The following SLCO1C1 variants were observed in gnomAD, a reference collection of about 807,000 sequenced individuals.
The protein encoded by SLCO1C1 is OAT-RP-5.
In SLCO1C1, 70 loss-of-function variants were observed where a neutral mutation model predicts 76.4. The observed-to-expected ratio is 0.92, with a 90% CI of 0.76 to 1.12. The LOEUF (loss-of-function observed/expected upper bound fraction) is 1.12. Ranked by LOEUF, SLCO1C1 falls within the 50% of genes most tolerant of loss-of-function variation. SLCO1C1 has a pLI of 0.00. For synonymous variants in SLCO1C1, 306 were observed against 286.1 expected (o/e 1.07, Z -0.70); for missense variants, 912 against 823.8 (o/e 1.11, Z -1.31).
At chr12:20,719,024 A>G (rs1947520332) in intron 7 of SLCO1C1, among the ~76,000 whole-genome samples, 1 of 151,700 alleles carries the variant, frequency 6.6e-6, no homozygotes, top group South Asian at 2.1e-4. Flanking sequence ...TATAGGCACT[A>G]TTTTTCCGAT....
intron 13 of SLCO1C1, among the ~76,000 whole-genome samples, chr12:20,747,029 C>T (rs923126075): frequency 1.3e-5 from 2 of 152,080 alleles, no homozygotes; most frequent in South Asian, 2.1e-4. Flanking sequence ...GTAAGAATGA[C>T]ATAGCGGTCA....
At position 20,699,654 on chromosome 12, in the gene SLCO1C1, A is replaced by T. The variant is rs1435115125; in HGVS notation, c.78A>T (p.Lys26Asn). 1 of 1,612,572 alleles carries T rather than the reference A, an allele frequency of 6.2e-7. No homozygotes were observed. The highest frequency in any genetic ancestry group is 8.5e-7 in the Non-Finnish European group (1 of 1,179,186). The change falls in exon 2 of 15, where the codon AAA (lysine) becomes AAT (asparagine). Residue 26 changes from lysine (K) to asparagine (N), a missense_variant. Physicochemically the swap from Lys to Asn is moderately conservative, Grantham distance 94. Coordinates refer to ENST00000266509, the MANE Select transcript of SLCO1C1 (RefSeq NM_017435.5). ...SVQPVGRPSF[K>N]TEYPSSEEKQ... The stretch of plus-strand genomic sequence containing the variant: ...AACCTGTTGGAAGGCCTTCTTTTAA[A>T]ACAGAATATCCCTCCTCAGAAGAAA...
At chr12:20,720,796 G>A (rs967899312) in intron 7 of SLCO1C1, among the ~76,000 whole-genome samples, 1 of 152,110 alleles carries the variant, frequency 6.6e-6, no homozygotes, top group African/African-American at 2.4e-5. Context: ...TCAGGAGTTC[G>A]AGACTGGCCT....
At position 20,721,849 on chromosome 12, in the gene SLCO1C1, G is replaced by A. The variant is rs1204818977; in HGVS notation, c.821G>A (p.Trp274Ter). ...AAAGATCCCCAGTGGGTAGGAGCCT[G>A]GTGGCTTGGCTATCTAATAGCAGGA... The part of the protein sequence containing the change: ...TPKDPQWVGA[W>*]WLGYLIAGII... The change falls in exon 8 of 15, where the codon TGG (tryptophan) becomes TAG (stop). Residue 274 changes from tryptophan (W) to a stop codon, truncating the protein, a stop_gained. Transcript: ENST00000266509. LOFTEE classifies it high-confidence loss of function. 1.2e-6 allele frequency: 2 copies of A among 1,614,144 alleles called. No homozygotes were observed. The highest frequency in any genetic ancestry group is 1.1e-5 in the South Asian group (1 of 91,082).
intron 14 of SLCO1C1, 132 bp downstream of exon 14, chr12:20,750,924 A>G: frequency 6.5e-7 from 1 of 1,527,866 alleles, no homozygotes; most frequent in South Asian, 1.2e-5. Context: ...AAAAAGTGTG[A>G]TCTGTAGTCA....
intron 9 of SLCO1C1, among the ~76,000 whole-genome samples, chr12:20,732,298 A>G (rs1366311829): frequency 6.6e-6 from 1 of 152,216 alleles, no homozygotes; most frequent in Non-Finnish European, 1.5e-5. Flanking sequence ...GTGGCTATGA[A>G]CAAATAGCTC....
Position 20,717,118 on chromosome 12 carries a change from T to A in SLCO1C1, c.677-14T>A. On this transcript the variant is annotated splice_polypyrimidine_tract_variant and intron_variant, in intron 6 of 14. Coordinates refer to ENST00000266509, the MANE Select transcript of SLCO1C1 (RefSeq NM_017435.5). ...TGACAGCTTTTTTTTTTTCCTTTTC[T>A]TTTCTTGGTGCAGGGTGTGTGCAGA... 6.3e-7 allele frequency: 1 copy of A among 1,588,090 alleles called. No individual in the cohort carries two copies. The highest frequency in any genetic ancestry group is 1.2e-5 in the South Asian group (1 of 85,546).
At chr12:20,720,222 A>C (rs1163845861) in intron 7 of SLCO1C1, among the ~76,000 whole-genome samples, 1 of 152,316 alleles carries the variant, frequency 6.6e-6, no homozygotes, top group East Asian at 1.9e-4. Context: ...TATTCCTTTC[A>C]AAATATTACT....
chr12:20,705,844 G>T (rs1313619100), intron 3 of SLCO1C1, 105 bp from the exon 4 acceptor site: 2 of 1,173,258 alleles, frequency 1.7e-6, no homozygotes, highest in East Asian at 2.4e-5. Flanking sequence ...AGATGGCTTA[G>T]TTAAAAGAAA....
At chr12:20,751,355 C>A (rs1368128965) in intron 14 of SLCO1C1, among the ~76,000 whole-genome samples, 1 of 152,006 alleles carries the variant, frequency 6.6e-6, no homozygotes, top group East Asian at 1.9e-4. Context: ...ACTATGGTAT[C>A]ATTCAGTTCA....
At chr12:20,709,277 C>T (rs963761250) in intron 4 of SLCO1C1, among the ~76,000 whole-genome samples, 5 of 152,172 alleles carry the variant, frequency 3.3e-5, no homozygotes, top group Admixed American at 3.3e-4. Flanking sequence ...CATTTTACAA[C>T]TCAGTTAATT....
At chr12:20,751,002 T>C in intron 14 of SLCO1C1, 1 of 886,834 alleles carries the variant, frequency 1.1e-6, no homozygotes, top group Non-Finnish European at 1.7e-6. Flanking sequence ...TGACCCCCAT[T>C]TTAAATGAGT....
intron 9 of SLCO1C1, among the ~76,000 whole-genome samples, chr12:20,726,192 G>A (rs74440058): frequency 0.029 from 4,416 of 151,816 alleles, 218 homozygotes; most frequent in African/African-American, 0.099. Flanking sequence ...TATATCTGTC[G>A]TTCAATAAAT....
chr12:20,717,532 CTCT>C, intron 7 of SLCO1C1, among the ~76,000 whole-genome samples: 1 of 151,236 alleles, frequency 6.6e-6, no homozygotes, highest in African/African-American at 2.4e-5. Flanking sequence ...TACTTGTTGG[CTCT>C]TATTGGCTTC....
intron 14 of SLCO1C1, 146 bp from the exon 15 acceptor site, chr12:20,752,156 AGTCT>A (rs1038448400): frequency 3.3e-5 from 17 of 512,090 alleles, no homozygotes; most frequent in African/African-American, 1.5e-4. Context: ...TGCCTTCAAC[AGTCT>A]GTCAGTATTT....
At chr12:20,736,411 C>A (rs1948544572) in intron 10 of SLCO1C1, among the ~76,000 whole-genome samples, 1 of 151,808 alleles carries the variant, frequency 6.6e-6, no homozygotes, top group African/African-American at 2.4e-5. Context: ...ACTTAGTAGG[C>A]TTCCAGTAAA....
intron 9 of SLCO1C1, among the ~76,000 whole-genome samples, chr12:20,729,984 A>G (rs1324659486): frequency 2.0e-5 from 3 of 152,104 alleles, no homozygotes; most frequent in African/African-American, 7.2e-5. Context: ...ATCCCATTTC[A>G]GTTCTCAGGC....
At chr12:20,719,342 T>A (rs1947538747) in intron 7 of SLCO1C1, among the ~76,000 whole-genome samples, 1 of 152,070 alleles carries the variant, frequency 6.6e-6, no homozygotes. Context: ...ATTAGGCCAA[T>A]TAGTAACCCT....
At chr12:20,739,677 T>A (rs1235437208) in intron 11 of SLCO1C1, among the ~76,000 whole-genome samples, 1 of 152,138 alleles carries the variant, frequency 6.6e-6, no homozygotes, top group Non-Finnish European at 1.5e-5. Flanking sequence ...TGCTACATGA[T>A]GGAGAAAGTG....
Sources: allele counts gnomAD v4.1 joint callset (sites outside exome capture counted in the v4.1 genomes callset), GRCh38; gene constraint gnomAD v4.1.1; transcripts MANE v1.5; gene names NCBI Gene and HGNC (gene_info 2026-07-23, HGNC 2026-07-21).